PIK3R1: variants seen among roughly 807,000 people sequenced by gnomAD.
PIK3R1 encodes phosphatidylinositol 3-kinase regulatory subunit alpha.
In PIK3R1, 29 loss-of-function variants were observed where a neutral mutation model predicts 98.0. That is an observed-to-expected ratio of 0.30 (90% CI 0.22 to 0.40). The LOEUF is 0.40. PIK3R1 is among the 10% of genes least tolerant of loss of function. PIK3R1 has a pLI of 1.00. For synonymous variants in PIK3R1, 282 were observed against 311.8 expected (o/e 0.90, Z 1.01); for missense variants, 596 against 872.7 (o/e 0.68, Z 3.99).
intron 4 of PIK3R1, among the ~76,000 whole-genome samples, chr5:68,275,193 C>T (rs930803807): frequency 1.2e-4 from 18 of 152,170 alleles, no homozygotes; most frequent in Non-Finnish European, 1.6e-4. Flanking sequence ...CAGTTGCATG[C>T]GAACAGAGCA....
chr5:68,288,900 T>C, intron 7 of PIK3R1: 1 of 795,236 alleles, frequency 1.3e-6, no homozygotes, highest in Non-Finnish European at 2.2e-6. Flanking sequence ...ACTCCCCCTG[T>C]CCTCGAGGGG....
chr5:68,281,125 AAT>A lies in PIK3R1; in HGVS notation c.916+122_916+123del, dbSNP rs1486039269. On this transcript the variant is annotated intron_variant, in intron 7 of 15. Transcript: ENST00000521381. ...TTCTTATGGAATTACAGTTGGTAGT[AAT>A]ATGTTACCTTGTGATTTAAAGAAAA... 6.1e-6 allele frequency: 4 copies of A among 651,136 alleles called. No homozygotes were observed. In the Admixed American group the frequency reaches 9.0e-5, roughly 15 times the overall value. 40.3% of individuals were successfully genotyped at this position (651,136 alleles called of 1,614,324 possible). A position where few individuals can be genotyped will look rare whatever the true frequency, so the allele number is the denominator to read the frequency against.
intron 2 of PIK3R1, among the ~76,000 whole-genome samples, chr5:68,250,828 CACT>C (rs1168746940): frequency 2.6e-5 from 4 of 152,192 alleles, no homozygotes; most frequent in African/African-American, 9.7e-5. Flanking sequence ...CTAAAACCAG[CACT>C]ACTTGAGGAG....
chr5:68,239,266 T>C (rs1744785308), intron 2 of PIK3R1, among the ~76,000 whole-genome samples: 1 of 152,330 alleles, frequency 6.6e-6, no homozygotes, highest in South Asian at 2.1e-4. Context: ...ATAAAGTATG[T>C]ATCTTCTAAA....
intron 2 of PIK3R1, among the ~76,000 whole-genome samples, chr5:68,272,252 C>CA (rs36123886): frequency 0.059 from 2,764 of 46,572 alleles, 91 homozygotes; most frequent in African/African-American, 0.18. Flanking sequence ...GACCCTGTCT[C>CA]AAAAAAAAAA....
intron 2 of PIK3R1, among the ~76,000 whole-genome samples, chr5:68,244,046 A>C (rs557518507): frequency 6.6e-6 from 1 of 152,230 alleles, no homozygotes; most frequent in African/African-American, 2.4e-5. Context: ...TTCTACTAAG[A>C]TTAAATTGCA....
Position 68,299,212 on chromosome 5 carries a change from A to G in PIK3R1, c.*1611A>G, listed in dbSNP as rs1747903642. ...ATTAGACTATCCATCATGACCAGCAAATACTCATTTTAGGAAAAAAAAAAG... is the reference window on the plus strand; with the variant it reads ...ATTAGACTATCCATCATGACCAGCAGATACTCATTTTAGGAAAAAAAAAAG... On this transcript the variant is annotated 3_prime_UTR_variant, in exon 16 of 16. Transcript: ENST00000521381. 1 of 233,610 alleles carries G rather than the reference A, an allele frequency of 4.3e-6. No individual in the cohort carries two copies. The highest frequency in any genetic ancestry group is 6.0e-5 in the East Asian group (1 of 16,574). 14.5% of individuals were successfully genotyped at this position (233,610 alleles called of 1,614,324 possible).
chr5:68,261,693 C>T (rs766996106), intron 2 of PIK3R1, among the ~76,000 whole-genome samples: 39 of 152,092 alleles, frequency 2.6e-4, no homozygotes, highest in Admixed American at 5.9e-4. Flanking sequence ...TAACTTCTAG[C>T]CCTTTTAAAA....
At chr5:68,219,298 C>T (rs951673573) in intron 1 of PIK3R1, among the ~76,000 whole-genome samples, 2 of 152,130 alleles carry the variant, frequency 1.3e-5, no homozygotes, top group African/African-American at 4.8e-5. Flanking sequence ...CACCTGTAGT[C>T]AAAATAGTTG....
chr5:68,268,499 T>C (rs2112208), intron 2 of PIK3R1, among the ~76,000 whole-genome samples: 46,443 of 152,116 alleles, frequency 0.31, 7,947 homozygotes, highest in African/African-American at 0.47. Flanking sequence ...CATTTTTCAC[T>C]TGAAGTCCTG....
intron 1 of PIK3R1, among the ~76,000 whole-genome samples, chr5:68,219,568 T>C (rs72770174): frequency 0.018 from 2,794 of 152,326 alleles, 35 homozygotes; most frequent in East Asian, 0.035. Flanking sequence ...TCCCTTGGCC[T>C]CTCCCAGGCC....
chr5:68,226,236 C>T (rs1744271861), intron 1 of PIK3R1, 54 bp from the exon 2 acceptor site: 1 of 401,060 alleles, frequency 2.5e-6, no homozygotes, highest in African/African-American at 2.1e-5. Flanking sequence ...TTCCAATTAA[C>T]ACAGATGGCA....
chr5:68,265,583 C>T (rs1029959693), intron 2 of PIK3R1, among the ~76,000 whole-genome samples: 1 of 152,074 alleles, frequency 6.6e-6, no homozygotes, highest in African/African-American at 2.4e-5. Context: ...CTAATCCCAT[C>T]GTGAGAGCAC....
intron 2 of PIK3R1, among the ~76,000 whole-genome samples, chr5:68,263,243 A>T (rs1182221314): frequency 3.4e-5 from 3 of 88,346 alleles, no homozygotes; most frequent in Admixed American, 9.9e-5. Flanking sequence ...ATATGTAGAA[A>T]TATATATATA....
chr5:68,215,822 G>A lies in PIK3R1; in HGVS notation c.-514G>A, dbSNP rs1356883630. The A allele has an allele frequency of 6.5e-6, 1 of 152,858 alleles. No individual in the cohort carries two copies. Among genetic ancestry groups the A allele is most frequent in the African/African-American group, 2.4e-5 (1 of 41,430 alleles). 9.5% of individuals were successfully genotyped at this position (152,858 alleles called of 1,614,324 possible). On this transcript the variant is annotated 5_prime_UTR_variant, in exon 1 of 16. Coordinates refer to ENST00000521381, the MANE Select transcript of PIK3R1 (RefSeq NM_181523.3). ...CGGCGAGGGCGGCAGGCTAGCTGTC[G>A]GAGACGGCAAGCACGGATCGGGCAC...
chr5:68,225,152 TTGTTTTTGGGA>T (rs903131408), intron 1 of PIK3R1, among the ~76,000 whole-genome samples: 41 of 152,254 alleles, frequency 2.7e-4, no homozygotes, highest in African/African-American at 9.4e-4. Flanking sequence ...CTCTTCTTCC[TTGTTTTTGGGA>T]TGTTGTCTCT....
At chr5:68,237,310 A>T (rs915195120) in intron 2 of PIK3R1, among the ~76,000 whole-genome samples, 1 of 152,240 alleles carries the variant, frequency 6.6e-6, no homozygotes, top group Non-Finnish European at 1.5e-5. Context: ...AATGCCATTT[A>T]AAAAGACTGA....
chr5:68,274,309 C>T (rs1033720755), intron 4 of PIK3R1, among the ~76,000 whole-genome samples: 7 of 152,116 alleles, frequency 4.6e-5, no homozygotes, highest in Non-Finnish European at 1.0e-4. Flanking sequence ...GTGTTTCTCT[C>T]GCTCTGTGTA....
chr5:68,295,805 A>AGCTTAAGTATATACTTT, intron 14 of PIK3R1: 2 of 473,228 alleles, frequency 4.2e-6, no homozygotes, highest in Non-Finnish European at 7.6e-6. Flanking sequence ...TATATTTTAA[A>AGCTTAAGTATATACTTT]GCTTAAGTAT....
Sources: gnomAD v4.1 joint callset for allele counts (sites outside exome capture counted in the v4.1 genomes callset) on GRCh38, gnomAD v4.1.1 for gene constraint, MANE v1.5 for transcripts, NCBI Gene and HGNC (gene_info 2026-07-23, HGNC 2026-07-21) for gene names.